Variants in IL1RAPL1 observed in about 807,000 individuals in gnomAD.
IL1RAPL1 encodes interleukin 1 receptor accessory protein like 1.
In IL1RAPL1, 3 loss-of-function variants were observed where a neutral mutation model predicts 48.4. That is an observed-to-expected ratio of 0.06 (90% CI 0.03 to 0.16). The LOEUF is 0.16. Ranked by LOEUF, IL1RAPL1 falls within the 10% of genes least tolerant of loss-of-function variation. The pLI, the probability that IL1RAPL1 is intolerant of heterozygous loss-of-function variation, is 1.00. For synonymous variants in IL1RAPL1, 185 were observed against 187.7 expected, an observed-to-expected ratio of 0.99 and a Z score of 0.12; for missense variants, 349 against 530.6, an observed-to-expected ratio of 0.66 and a Z score of 3.36.
At chrX:29,632,187 T>C (rs1222614116) in intron 5 of IL1RAPL1, among the ~76,000 whole-genome samples, 7 of 109,126 alleles carry the variant, frequency 6.4e-5, no homozygotes, top group East Asian at 2.9e-4. Context: ...CTCACTCTGT[T>C]GCCCAGGCTG....
rs992640276 is a variant in IL1RAPL1, at chrX:29,728,079, A to G, written c.778+59575A>G. 4.4e-4 allele frequency among the ~76,000 whole-genome samples: 49 copies of G among 110,166 alleles called. 1 individual carries two copies. The highest frequency in any genetic ancestry group is 2.1e-4 in the Non-Finnish European group (11 of 52,794). On this transcript the variant is annotated intron_variant, in intron 6 of 10. Transcript: ENST00000378993. ...CAGCCTCCCGAGTAGCTGGGACTAC[A>G]GGCGCCTGCCACCACGCCCAGCTAA...
chrX:29,004,350 A>G (rs1480344038), intron 2 of IL1RAPL1, among the ~76,000 whole-genome samples: 2 of 112,384 alleles, frequency 1.8e-5, no homozygotes, highest in African/African-American at 3.2e-5. Context: ...AGAAAGAGAC[A>G]AAAATGTAGT....
chrX:29,053,161 G>A (rs1237121838), intron 2 of IL1RAPL1, among the ~76,000 whole-genome samples: 14 of 111,436 alleles, frequency 1.3e-4, no homozygotes, highest in African/African-American at 4.2e-4. Flanking sequence ...AGTTTGCTAA[G>A]GATAATGGCC....
intron 5 of IL1RAPL1, among the ~76,000 whole-genome samples, chrX:29,422,985 A>G (rs1193458912): frequency 8.9e-6 from 1 of 111,883 alleles, no homozygotes; most frequent in African/African-American, 3.2e-5. Flanking sequence ...AACCAGCATT[A>G]GCATTAAAAC....
intron 3 of IL1RAPL1, among the ~76,000 whole-genome samples, chrX:29,309,176 C>A (rs73460484): frequency 5.4e-5 from 6 of 111,765 alleles, no homozygotes; most frequent in Non-Finnish European, 7.5e-5. Context: ...TTATTCAAAG[C>A]TATTGTAATA....
At chrX:29,370,581 G>C in intron 3 of IL1RAPL1, among the ~76,000 whole-genome samples, 1 of 109,305 alleles carries the variant, frequency 9.1e-6, no homozygotes, top group East Asian at 2.9e-4. Context: ...TTCTTTTTAT[G>C]CTCCTTTCTT....
chrX:29,027,740 G>GT (rs1376987175), intron 2 of IL1RAPL1, among the ~76,000 whole-genome samples: 2 of 111,471 alleles, frequency 1.8e-5, no homozygotes, highest in African/African-American at 3.3e-5. Flanking sequence ...TCTAATAGTT[G>GT]TGTAGTGCTA....
intron 1 of IL1RAPL1, among the ~76,000 whole-genome samples, chrX:28,605,583 C>T (rs1424417920): frequency 2.7e-5 from 3 of 111,919 alleles, no homozygotes; most frequent in Non-Finnish European, 5.6e-5. Flanking sequence ...GACTCTATGC[C>T]TCTGTTATTG....
At chrX:29,035,822 A>G (rs897539795) in intron 2 of IL1RAPL1, among the ~76,000 whole-genome samples, 11 of 112,260 alleles carry the variant, frequency 9.8e-5, no homozygotes, top group Non-Finnish European at 1.9e-4. Context: ...GTTGTTCTTA[A>G]ATATTTGAAC....
chrX:29,112,803 T>TG (rs1195696609), intron 2 of IL1RAPL1, among the ~76,000 whole-genome samples: 23 of 102,250 alleles, frequency 2.2e-4, no homozygotes, highest in Non-Finnish European at 3.6e-4. Flanking sequence ...GTTTTTTTTT[T>TG]TTTTTTTTTT....
intron 2 of IL1RAPL1, among the ~76,000 whole-genome samples, chrX:29,179,714 A>G (rs1445066616): frequency 9.0e-6 from 1 of 111,514 alleles, no homozygotes; most frequent in Non-Finnish European, 1.9e-5. Context: ...CTCTGCTGTG[A>G]CTTTTAATTT....
At chrX:29,415,356 G>C (rs1316997135) in intron 5 of IL1RAPL1, among the ~76,000 whole-genome samples, 1 of 111,301 alleles carries the variant, frequency 9.0e-6, no homozygotes, top group African/African-American at 3.3e-5. Flanking sequence ...TGTATACATA[G>C]ATCTATATAA....
chrX:29,240,230 T>A (rs866850220), intron 2 of IL1RAPL1, among the ~76,000 whole-genome samples: 6 of 53,282 alleles, frequency 1.1e-4, no homozygotes, highest in African/African-American at 5.9e-4. Flanking sequence ...ATATATTTTT[T>A]TTTTTTTTTT....
intron 6 of IL1RAPL1, among the ~76,000 whole-genome samples, chrX:29,910,006 A>G (rs758964231): frequency 8.9e-6 from 1 of 111,883 alleles, no homozygotes; most frequent in East Asian, 2.8e-4. Context: ...GAATCAACCT[A>G]GATGCACATC....
chrX:29,243,673 T>A (rs963078777), intron 2 of IL1RAPL1, among the ~76,000 whole-genome samples: 2 of 111,829 alleles, frequency 1.8e-5, no homozygotes, highest in African/African-American at 6.5e-5. Flanking sequence ...ACTTTTTCTC[T>A]TTCCTGCTGC....
intron 5 of IL1RAPL1, among the ~76,000 whole-genome samples, chrX:29,571,104 C>G (rs1922580434): frequency 9.0e-6 from 1 of 110,644 alleles, no homozygotes; most frequent in South Asian, 3.9e-4. Flanking sequence ...CGCCTATAGT[C>G]CCAGCTACTC....
intron 3 of IL1RAPL1, among the ~76,000 whole-genome samples, chrX:29,389,233 A>G (rs5928424): frequency 0.41 from 43,286 of 106,452 alleles, 7,646 homozygotes; most frequent in Middle Eastern, 0.58. Context: ...GCGGGCGCCT[A>G]TAGTCCCAGC....
intron 5 of IL1RAPL1, among the ~76,000 whole-genome samples, chrX:29,493,362 C>A (rs1014779369): frequency 8.9e-6 from 1 of 112,314 alleles, no homozygotes; most frequent in African/African-American, 3.2e-5. Context: ...ATTTAATATT[C>A]ATATTTAATA....
intron 2 of IL1RAPL1, among the ~76,000 whole-genome samples, chrX:29,124,388 A>G (rs1441977038): frequency 1.8e-5 from 2 of 112,473 alleles, no homozygotes; most frequent in Admixed American, 9.5e-5. Flanking sequence ...ATTATTTGCT[A>G]TATTAGGATT....
Sources: gnomAD v4.1 joint callset for allele counts (sites outside exome capture counted in the v4.1 genomes callset) on GRCh38, gnomAD v4.1.1 for gene constraint, MANE v1.5 for transcripts, NCBI Gene and HGNC (gene_info 2026-07-23, HGNC 2026-07-21) for gene names.